Variants in POLI observed in about 807,000 individuals in gnomAD.
The protein encoded by POLI is RAD30 homolog B.
A neutral mutation model predicts 51.6 loss-of-function variants in POLI; 58 were observed. The observed-to-expected ratio is 1.12, with a 90% CI of 0.91 to 1.40. POLI has a LOEUF of 1.40. Among genes scored for constraint, POLI ranks in the 40% most tolerant of loss-of-function variants. POLI has a pLI of 0.00. For synonymous variants in POLI, 322 were observed against 299.7 expected, an observed-to-expected ratio of 1.07 and a Z score of -0.77; for missense variants, 921 against 871.3, an observed-to-expected ratio of 1.06 and a Z score of -0.72.
rs1179390640 is a variant in POLI at position 54,271,435 on chromosome 18, A to G, written c.191A>G (p.Tyr64Cys). ...VIVHVDLDCF[Y>C]AQVEMISNPE... Reference sequence around the variant, plus strand: ...GTACATGTGGATCTGGATTGCTTTTATGCACAAGTAGAAATGATCTCAAAT... The same window carrying G: ...GTACATGTGGATCTGGATTGCTTTTGTGCACAAGTAGAAATGATCTCAAAT... Residue 64 changes from tyrosine (Y) to cysteine (C), a missense_variant, in exon 2 of 10, where the codon TAT (tyrosine) becomes TGT (cysteine). By Grantham distance (194) the Tyr-to-Cys change is radical. Transcript: ENST00000579534. 2.5e-6 allele frequency: 4 copies of G among 1,610,902 alleles called. No homozygotes were observed. The highest frequency in any genetic ancestry group is 3.4e-6 in the Non-Finnish European group (4 of 1,177,332).
intron 3 of POLI, among the ~76,000 whole-genome samples, chr18:54,317,964 A>T (rs1599287717): frequency 1.3e-5 from 2 of 152,212 alleles, no homozygotes; most frequent in Admixed American, 1.3e-4. Flanking sequence ...TCTGAAAATC[A>T]TATAACTTAA....
rs544511334 is a variant in POLI, at chr18:54,297,942, T to C, written c.*3475T>C. On this transcript the variant is annotated 3_prime_UTR_variant, in exon 10 of 10. Coordinates refer to ENST00000579534, the MANE Select transcript of POLI (RefSeq NM_007195.3). ...TTTATACCTTCTGAAATTATGTCCTTAGAGCTGTAGATTTAGAACTGACAT... is the reference window on the plus strand; with the variant it reads ...TTTATACCTTCTGAAATTATGTCCTCAGAGCTGTAGATTTAGAACTGACAT... 60 of 981,410 alleles carry C rather than the reference T, an allele frequency of 6.1e-5. No individual in the cohort carries two copies. In the Admixed American group the frequency reaches 1.9e-3, roughly 31 times the overall value. The allele number at this position is 981,410 out of a possible 1,614,324, so 60.8% of individuals were successfully genotyped here. A position where few individuals can be genotyped will look rare whatever the true frequency, so the allele number is the denominator to read the frequency against.
In POLI at chr18:54,294,623, C is replaced by T. The variant is rs2088210686; in HGVS notation, c.*156C>T. 1.5e-6 allele frequency: 2 copies of T among 1,297,466 alleles called. No individual in the cohort carries two copies. Among genetic ancestry groups the T allele is most frequent in the Non-Finnish European group, 1.9e-6 (2 of 1,026,370 alleles). 80.4% of individuals were successfully genotyped at this position (1,297,466 alleles called of 1,614,324 possible). ...AATAGTTGCAAGAAGTAAATTCTGG[C>T]ACAAAGCGTAAAAATATAACAGAAG... is the stretch of plus-strand genomic sequence containing the variant. On this transcript the variant is annotated 3_prime_UTR_variant, in exon 10 of 10. Coordinates refer to ENST00000579534, the MANE Select transcript of POLI (RefSeq NM_007195.3).
Position 54,296,004 on chromosome 18 carries a change from A to G in POLI, c.*1537A>G, listed in dbSNP as rs1459718770. On this transcript the variant is annotated 3_prime_UTR_variant, in exon 10 of 10. Transcript: ENST00000579534. ...CTAACACGAAGGATTGTAAATAGGT[A>G]GTTTGAGGTTATCAGGAACAGTAAC... 1 of 984,752 alleles carries G rather than the reference A, an allele frequency of 1.0e-6. No homozygotes were observed. The highest frequency in any genetic ancestry group is 1.2e-6 in the Non-Finnish European group (1 of 829,310). 61.0% of individuals were successfully genotyped at this position (984,752 alleles called of 1,614,324 possible).
In POLI at chr18:54,296,017, C is replaced by A; in HGVS notation, c.*1550C>A. ...TTGTAAATAGGTAGTTTGAGGTTAT[C>A]AGGAACAGTAACTTGAAGCAAGAAC... On this transcript the variant is annotated 3_prime_UTR_variant, in exon 10 of 10. Coordinates refer to ENST00000579534, the MANE Select transcript of POLI (RefSeq NM_007195.3). 2.0e-6 allele frequency: 2 copies of A among 984,868 alleles called. No individual in the cohort carries two copies. Among genetic ancestry groups the A allele is most frequent in the Non-Finnish European group, 2.4e-6 (2 of 829,478 alleles). The allele number at this position is 984,868 out of a possible 1,614,324, so 61.0% of individuals were successfully genotyped here.
chr18:54,284,033 G>T lies in POLI; in HGVS notation c.1067+20G>T. 9.8e-7 allele frequency: 1 copy of T among 1,018,102 alleles called. No individual in the cohort carries two copies. The highest frequency in any genetic ancestry group is 1.5e-5 in the South Asian group (1 of 68,526). 63.1% of individuals were successfully genotyped at this position (1,018,102 alleles called of 1,614,324 possible). ...AAACAGGTGATTTTCAATCCATTTT[G>T]CCAAGTCATCCTATGTATTCATTCT... On this transcript the variant is annotated intron_variant, in intron 7 of 9. Coordinates refer to ENST00000579534, the MANE Select transcript of POLI (RefSeq NM_007195.3).
chr18:54,299,849 T>C (rs184447260), downstream of POLI, among the ~76,000 whole-genome samples: 262 of 152,230 alleles, frequency 1.7e-3, 2 homozygotes, highest in African/African-American at 5.9e-3. Flanking sequence ...TTAAAACCAG[T>C]GATAAACACC....
chr18:54,279,605 T>G (rs1056159620), intron 4 of POLI, among the ~76,000 whole-genome samples: 8 of 152,218 alleles, frequency 5.3e-5, no homozygotes, highest in Non-Finnish European at 5.9e-5. Context: ...CTTTCTCTTG[T>G]TCTCTCTATG....
At chr18:54,293,427 A>C (rs958370302) in intron 9 of POLI, among the ~76,000 whole-genome samples, 5 of 152,008 alleles carry the variant, frequency 3.3e-5, no homozygotes, top group Non-Finnish European at 7.4e-5. Flanking sequence ...TCTCAGTGCT[A>C]TCTAGGAAGG....
chr18:54,290,666 C>G (rs1259354362), intron 8 of POLI, among the ~76,000 whole-genome samples: 1 of 152,108 alleles, frequency 6.6e-6, no homozygotes, highest in East Asian at 1.9e-4. Flanking sequence ...AGGATGAGTT[C>G]ATGTCCTTTG....
chr18:54,308,490 G>C (rs910645062), intron 3 of POLI, among the ~76,000 whole-genome samples: 16 of 152,274 alleles, frequency 1.1e-4, no homozygotes, highest in African/African-American at 2.6e-4. Context: ...GGTAACCCGA[G>C]CTTTCTCTCT....
chr18:54,271,535 A>C (rs569137537), intron 2 of POLI, 50 bp downstream of exon 2: 3 of 1,259,790 alleles, frequency 2.4e-6, no homozygotes, highest in Non-Finnish European at 3.4e-6. Flanking sequence ...TAGATTAGCA[A>C]CTCATCATGC....
chr18:54,306,904 T>C (rs1209536296), intron 3 of POLI, among the ~76,000 whole-genome samples: 1 of 152,206 alleles, frequency 6.6e-6, no homozygotes, highest in Non-Finnish European at 1.5e-5. Context: ...TGTATTTCTA[T>C]GGGATCGGTA....
intron 1 of POLI, 89 bp downstream of exon 1, chr18:54,269,750 G>T (rs540119330): frequency 7.1e-7 from 1 of 1,404,084 alleles, no homozygotes; most frequent in South Asian, 1.5e-5. Context: ...GGCCACTGGG[G>T]CGCGACCGTC....
Position 54,304,031 on chromosome 18 carries a change from G to A in POLI, c.334-16242G>A, listed in dbSNP as rs143594219. ...GTGGTGTTTGGTTTTCTGTCCTTGC[G>A]ACAGTTTGCTGAGAATGATGGTTTC... On this transcript the variant is annotated intron_variant, in intron 3 of 4. Transcript: ENST00000579823. Among the ~76,000 whole-genome samples, 82 of 151,852 alleles carry A rather than the reference G, an allele frequency of 5.4e-4. No homozygotes were observed. In the East Asian group the frequency reaches 0.013, roughly 25 times the overall value.
intron 9 of POLI, among the ~76,000 whole-genome samples, 156 bp downstream of exon 9, chr18:54,292,194 A>G (rs2088052811): frequency 6.6e-6 from 1 of 152,064 alleles, no homozygotes; most frequent in Admixed American, 6.6e-5. Context: ...TACCTATCTT[A>G]TGGTTTCTGG....
Position 54,271,548 on chromosome 18 carries a change from AT to A in POLI, c.241+65del, listed in dbSNP as rs1313288038. 3.4e-5 allele frequency: 37 copies of A among 1,095,800 alleles called. No individual in the cohort carries two copies. In the East Asian group the frequency reaches 9.4e-4, roughly 28 times the overall value. The allele number at this position is 1,095,800 out of a possible 1,614,324, so 67.9% of individuals were successfully genotyped here. On this transcript the variant is annotated intron_variant, in intron 2 of 9. Coordinates refer to ENST00000579534, the MANE Select transcript of POLI (RefSeq NM_007195.3). ...ATTAGATTAGCAACTCATCATGCTCATTATATACTGATTTATTAACCTTATT... is the reference window on the plus strand; with the variant it reads ...ATTAGATTAGCAACTCATCATGCTCATATATACTGATTTATTAACCTTATT...
intron 2 of POLI, 72 bp from the exon 3 acceptor site, chr18:54,273,854 A>G: frequency 1.3e-6 from 1 of 783,798 alleles, no homozygotes; most frequent in East Asian, 3.2e-5. Flanking sequence ...GACAAATGTA[A>G]TACGGAATTA....
In POLI at chr18:54,296,128, T is replaced by G; in HGVS notation, c.*1661T>G. 1.0e-6 allele frequency: 1 copy of G among 982,220 alleles called. No individual in the cohort carries two copies. The highest frequency in any genetic ancestry group is 1.2e-6 in the Non-Finnish European group (1 of 827,040). 60.8% of individuals were successfully genotyped at this position (982,220 alleles called of 1,614,324 possible). A position where few individuals can be genotyped will look rare whatever the true frequency, so the allele number is the denominator to read the frequency against. On this transcript the variant is annotated 3_prime_UTR_variant, in exon 10 of 10. Transcript: ENST00000579534. Reference sequence around the variant, plus strand: ...TACATGAGTATTCCAGTAAGGTAATTAAACTTATGAAAAGGGTATATAACT... The same window carrying G: ...TACATGAGTATTCCAGTAAGGTAATGAAACTTATGAAAAGGGTATATAACT...
Sources: allele counts gnomAD v4.1 joint callset (sites outside exome capture counted in the v4.1 genomes callset), GRCh38; gene constraint gnomAD v4.1.1; transcripts MANE v1.5; gene names NCBI Gene and HGNC (gene_info 2026-07-23, HGNC 2026-07-21).